Variants in NEK10 observed in about 807,000 individuals in gnomAD.
NEK10 encodes the protein NIMA related kinase 10.
Under a neutral mutation model 159.8 loss-of-function variants are expected in NEK10, and 122 were observed. The ratio of observed to expected loss-of-function variants is 0.76; its 90% CI spans 0.66 to 0.89. NEK10 has a LOEUF of 0.89. Among genes scored for constraint, NEK10 ranks in the 40% least tolerant of loss-of-function variants. The pLI, the probability that NEK10 is intolerant of heterozygous loss-of-function variation, is 0.00. For missense variants in NEK10, 1,342 were observed against 1,323.1 expected (o/e 1.01, Z -0.22); for synonymous variants, 466 against 457.1 (o/e 1.02, Z -0.25).
At chr3:27,276,603 G>A (rs2041792195) in intron 22 of NEK10, among the ~76,000 whole-genome samples, 1 of 152,100 alleles carries the variant, frequency 6.6e-6, no homozygotes, top group East Asian at 1.9e-4. Flanking sequence ...CAGAAGAAGA[G>A]CATAATTAGA....
chr3:27,209,906 G>GA (rs1950856952), intron 23 of NEK10, among the ~76,000 whole-genome samples: 2 of 152,168 alleles, frequency 1.3e-5, no homozygotes, highest in South Asian at 2.1e-4. Flanking sequence ...CATCTGTAGA[G>GA]AAAATCTACA....
rs1216837570 is a variant in NEK10 at position 27,341,516 on chromosome 3, A to AT, written c.362+2755dup. On this transcript the variant is annotated intron_variant, in intron 5 of 35. Coordinates refer to ENST00000691995, the MANE Select transcript of NEK10 (RefSeq NM_001394966.1). The stretch of plus-strand genomic sequence containing the variant: ...TATAAATAAATACTATTATAAAAGG[A>AT]TTTTTTTAAAGATTAGTTACCATTG... Among the ~76,000 whole-genome samples, 7 of 152,196 alleles carry AT rather than the reference A, an allele frequency of 4.6e-5. No individual in the cohort carries two copies. In the East Asian group the frequency reaches 1.3e-3, roughly 29 times the overall value.
intron 1 of NEK10, among the ~76,000 whole-genome samples, chr3:27,358,933 G>A (rs932209096): frequency 3.3e-5 from 5 of 152,164 alleles, no homozygotes; most frequent in African/African-American, 1.2e-4. Flanking sequence ...GCCAGGGAGT[G>A]GTGGCTTATG....
intron 15 of NEK10, among the ~76,000 whole-genome samples, chr3:27,293,891 G>A (rs73821941): frequency 0.046 from 7,029 of 152,192 alleles, 290 homozygotes; most frequent in African/African-American, 0.11. Context: ...CTTGGTACTC[G>A]TCATTAATTT....
chr3:27,241,843 C>T (rs1306661427), intron 23 of NEK10, among the ~76,000 whole-genome samples: 1 of 152,172 alleles, frequency 6.6e-6, no homozygotes, highest in Non-Finnish European at 1.5e-5. Flanking sequence ...GCAGCTGGGA[C>T]TTAAGAAAAT....
intron 5 of NEK10, among the ~76,000 whole-genome samples, chr3:27,342,696 C>T (rs1417964467): frequency 6.6e-6 from 1 of 152,104 alleles, no homozygotes; most frequent in Non-Finnish European, 1.5e-5. Context: ...CTAGTTGATG[C>T]CAACCAGTGC....
At chr3:27,293,091 C>A (rs1380803328) in intron 16 of NEK10, among the ~76,000 whole-genome samples, 1 of 152,148 alleles carries the variant, frequency 6.6e-6, no homozygotes, top group Non-Finnish European at 1.5e-5. Flanking sequence ...GTCAGGCTCA[C>A]CAACACAGTA....
chr3:27,335,427 A>T (rs2149732266), intron 5 of NEK10, among the ~76,000 whole-genome samples: 1 of 152,098 alleles, frequency 6.6e-6, no homozygotes, highest in Non-Finnish European at 1.5e-5. Context: ...TAAAACCCCC[A>T]CTCTCAGCAG....
intron 23 of NEK10, among the ~76,000 whole-genome samples, chr3:27,225,610 C>A (rs1952556836): frequency 6.6e-6 from 1 of 152,182 alleles, no homozygotes; most frequent in Non-Finnish European, 1.5e-5. Flanking sequence ...AGCAGTCAGG[C>A]TTGAAGGCCA....
intron 5 of NEK10, among the ~76,000 whole-genome samples, chr3:27,330,998 G>A (rs2149706438): frequency 6.6e-6 from 1 of 152,176 alleles, no homozygotes; most frequent in South Asian, 2.1e-4. Context: ...CACTTTGGGA[G>A]GCCGAAGTGG....
chr3:27,133,403 T>C (rs928800931), intron 31 of NEK10, among the ~76,000 whole-genome samples: 5 of 152,188 alleles, frequency 3.3e-5, no homozygotes, highest in African/African-American at 9.6e-5. Flanking sequence ...ATCCCAAATA[T>C]AGTAGAATGT....
At chr3:27,215,985 C>T (rs1951489581) in intron 23 of NEK10, 5 of 481,596 alleles carry the variant, frequency 1.0e-5, no homozygotes, top group Non-Finnish European at 1.9e-5. Flanking sequence ...CCACCTCTAA[C>T]ATACGGGATT....
At chr3:27,248,776 A>G (rs565372544) in intron 23 of NEK10, among the ~76,000 whole-genome samples, 7 of 152,298 alleles carry the variant, frequency 4.6e-5, no homozygotes, top group Admixed American at 4.6e-4. Context: ...GTGACCTAAC[A>G]TATGGTTTAT....
intron 11 of NEK10, among the ~76,000 whole-genome samples, chr3:27,306,697 A>G (rs1040458447): frequency 6.6e-6 from 1 of 152,224 alleles, no homozygotes; most frequent in African/African-American, 2.4e-5. Flanking sequence ...AAATACGGGA[A>G]AAATAGGGTT....
chr3:27,276,167 G>A (rs11711845), intron 22 of NEK10, among the ~76,000 whole-genome samples: 40,328 of 151,628 alleles, frequency 0.27, 5,490 homozygotes, highest in Middle Eastern at 0.39. Context: ...CTATTCATTT[G>A]GTGAATAAAA....
At position 27,109,151 on chromosome 3, in the gene NEK10, G is replaced by T. The variant is rs1050938816; in HGVS notation, c.*2121C>A. Among the ~76,000 whole-genome samples the T allele has an allele frequency of 6.6e-6, 1 of 152,140 alleles. No individual in the cohort carries two copies. Among genetic ancestry groups the T allele is most frequent in the African/African-American group, 2.4e-5 (1 of 41,422 alleles). ...CCCAGCACTTTGGGAGGCCGAGGCA[G>T]GCAGATCACCTGAGGTCAGGAGTTT... On this transcript the variant is annotated 3_prime_UTR_variant, in exon 36 of 36. Coordinates refer to ENST00000691995, the MANE Select transcript of NEK10 (RefSeq NM_001394966.1).
intron 3 of NEK10, among the ~76,000 whole-genome samples, chr3:27,351,043 A>G (rs1181779362): frequency 6.6e-6 from 1 of 152,164 alleles, no homozygotes; most frequent in Non-Finnish European, 1.5e-5. Flanking sequence ...CACGTAAACA[A>G]GAGTTTCCAA....
chr3:27,177,500 G>A (rs1346509879), intron 26 of NEK10, among the ~76,000 whole-genome samples: 2 of 151,818 alleles, frequency 1.3e-5, no homozygotes, highest in African/African-American at 4.8e-5. Context: ...AGCCGAGATT[G>A]TGCCACTGCA....
chr3:27,215,677 A>G, intron 23 of NEK10: 1 of 631,370 alleles, frequency 1.6e-6, no homozygotes, highest in East Asian at 2.8e-5. Flanking sequence ...GCACTACTAC[A>G]AAGAAATACC....
Sources: gnomAD v4.1 joint callset for allele counts (sites outside exome capture counted in the v4.1 genomes callset) on GRCh38, gnomAD v4.1.1 for gene constraint, MANE v1.5 for transcripts, NCBI Gene and HGNC (gene_info 2026-07-23, HGNC 2026-07-21) for gene names.